The following NCOR1 variants were observed in gnomAD, a reference collection of about 807,000 sequenced individuals.
The protein encoded by NCOR1 is protein phosphatase 1, regulatory subunit 109.
Under a neutral mutation model 288.1 loss-of-function variants are expected in NCOR1, and 63 were observed. The observed-to-expected ratio is 0.22, with a 90% CI of 0.18 to 0.27. The LOEUF (loss-of-function observed/expected upper bound fraction) is 0.27, where lower values mean the gene tolerates loss of function less well. NCOR1 is among the 10% of genes least tolerant of loss of function. The pLI, the probability that NCOR1 is intolerant of heterozygous loss-of-function variation, is 1.00. For missense variants in NCOR1, 2,397 were observed against 3,019.2 expected, an observed-to-expected ratio of 0.79 and a Z score of 4.83; for synonymous variants, 1,007 against 1,065.9, an observed-to-expected ratio of 0.94 and a Z score of 1.08.
chr17:16,174,887 C>T (rs117506766), intron 3 of NCOR1, among the ~76,000 whole-genome samples: 1 of 152,178 alleles, frequency 6.6e-6, no homozygotes, highest in Non-Finnish European at 1.5e-5. Flanking sequence ...AATTCCACTC[C>T]TAGGTATCTA....
Position 16,075,580 on chromosome 17 carries a change from G to A in NCOR1, c.3624C>T (p.Gly1208=), listed in dbSNP as rs1195098629. Residue 1208 remains glycine, a synonymous_variant, in exon 27 of 46, where the codon GGC becomes GGT. Transcript: ENST00000268712. The stretch of plus-strand genomic sequence containing the variant: ...CACTTTTGCCTTCATAAATAACATG[G>A]CCTTTGGATGCAGCTTCCTCTCTGC... ...EKGREEAASK[G]HVIYEGKSGH... is the part of the protein sequence containing the mutation. The A allele has an allele frequency of 6.2e-7, 1 of 1,613,990 alleles. No homozygotes were observed. Among genetic ancestry groups the A allele is most frequent in the African/African-American group, 1.3e-5 (1 of 74,890 alleles).
rs762009001 is a variant in NCOR1 at position 16,070,348 on chromosome 17, C to T, written c.4330G>A (p.Val1444Met). 30 of 1,614,050 alleles carry T rather than the reference C, an allele frequency of 1.9e-5. No homozygotes were observed. The highest frequency in any genetic ancestry group is 2.7e-5 in the African/African-American group (2 of 74,912). ...KYEDVKAGET[V>M]RSRHTSVVSS... ...ACCACTGACGTGTGCCGGGAACGCACGGTCTCGCCTGCTTTCACATCCTCA... is the reference window on the plus strand; with the variant it reads ...ACCACTGACGTGTGCCGGGAACGCATGGTCTCGCCTGCTTTCACATCCTCA... The change falls in exon 31 of 46, where the codon GTG becomes ATG. Residue 1444 changes from valine (V) to methionine (M), a missense_variant. Physicochemically the swap from Val to Met is conservative, Grantham distance 21. Coordinates refer to ENST00000268712, the MANE Select transcript of NCOR1 (RefSeq NM_006311.4).
intron 22 of NCOR1, among the ~76,000 whole-genome samples, chr17:16,091,361 A>G (rs1258271017): frequency 6.6e-6 from 1 of 152,282 alleles, no homozygotes; most frequent in Non-Finnish European, 1.5e-5. Context: ...TACAGATGAG[A>G]AAACTAAAGC....
rs1491238663 is a variant in NCOR1, at chr17:16,127,399, GTA to G, written c.1510-1195_1510-1194del. Among the ~76,000 whole-genome samples, 242 of 100,532 alleles carry G rather than the reference GTA, an allele frequency of 2.4e-3. 108 individuals are homozygous for G. Among genetic ancestry groups the G allele is most frequent in the African/African-American group, 0.011 (215 of 19,642 alleles). 66.0% of individuals were successfully genotyped at this position (100,532 alleles called of 152,430 possible). A position where few individuals can be genotyped will look rare whatever the true frequency, so the allele number is the denominator to read the frequency against. On this transcript the variant is annotated intron_variant, in intron 14 of 45. Coordinates refer to ENST00000268712, the MANE Select transcript of NCOR1 (RefSeq NM_006311.4). ...TATATATGTATGTATATATACATGT[GTA>G]TATGTGTATGTATATATACATGTGT... is the stretch of plus-strand genomic sequence containing the variant.
chr17:16,038,057 G>A (rs1455818546), intron 44 of NCOR1, among the ~76,000 whole-genome samples: 2 of 152,030 alleles, frequency 1.3e-5, no homozygotes, highest in African/African-American at 4.8e-5. Context: ...AGGTCTTAAA[G>A]TTAACATGTA....
chr17:16,197,814 T>C (rs178805), intron 1 of NCOR1, among the ~76,000 whole-genome samples: 69,602 of 151,656 alleles, frequency 0.46, 16,906 homozygotes, highest in Middle Eastern at 0.59. Context: ...GTGAGGAGGG[T>C]TGATCTTTTT....
At chr17:16,092,693 ATATTTTTTT>A (rs1293888370) in intron 21 of NCOR1, among the ~76,000 whole-genome samples, 26 of 12,762 alleles carry the variant, frequency 2.0e-3, no homozygotes, top group East Asian at 0.011. Flanking sequence ...ATATATATAT[ATATTTTTTT>A]TTTTTTTTTT....
chr17:16,215,516 T>G lies in NCOR1; in HGVS notation c.-225A>C. 2.5e-6 allele frequency: 1 copy of G among 398,794 alleles called. No individual in the cohort carries two copies. The highest frequency in any genetic ancestry group is 4.4e-6 in the Non-Finnish European group (1 of 226,352). The allele number at this position is 398,794 out of a possible 1,614,324, so 24.7% of individuals were successfully genotyped here. A position where few individuals can be genotyped will look rare whatever the true frequency, so the allele number is the denominator to read the frequency against. On this transcript the variant is annotated 5_prime_UTR_variant, in exon 1 of 46. Transcript: ENST00000268712. ...CCGCCGCGGCTGCTGCTTCGCCACC[T>G]TGGCCGCCATCTTGACTCAACCCCT...
chr17:16,160,278 G>A (rs190802231), intron 5 of NCOR1, among the ~76,000 whole-genome samples: 213 of 152,092 alleles, frequency 1.4e-3, no homozygotes, highest in African/African-American at 4.8e-3. Flanking sequence ...AAATATTACC[G>A]AGTATTACTA....
chr17:16,125,915 G>A (rs2073961013), intron 15 of NCOR1, among the ~76,000 whole-genome samples, 167 bp downstream of exon 15: 1 of 151,702 alleles, frequency 6.6e-6, no homozygotes, highest in African/African-American at 2.4e-5. Flanking sequence ...GGGTGGGTGA[G>A]GTATAATGGG....
rs76080188 is a variant in NCOR1, at chr17:16,101,494, C to T, written c.2446G>A (p.Ala816Thr). The change falls in exon 20 of 46, where the codon GCT (alanine) becomes ACT (threonine). Residue 816 changes from alanine (A) to threonine (T), a missense_variant. Ala to Thr is a moderately conservative substitution (Grantham distance 58). Coordinates refer to ENST00000268712, the MANE Select transcript of NCOR1 (RefSeq NM_006311.4). ...ACGTCCACAGAGTCAGCTTTGGTAGCGGGTGGGGGATCACAAACAGAACCC... is the reference window on the plus strand; with the variant it reads ...ACGTCCACAGAGTCAGCTTTGGTAGTGGGTGGGGGATCACAAACAGAACCC... ...EEGSVCDPPP[A>T]TKADSVDVEV... 16 of 1,614,150 alleles carry T rather than the reference C, an allele frequency of 9.9e-6. No individual in the cohort carries two copies. The highest frequency in any genetic ancestry group is 2.2e-5 in the South Asian group (2 of 91,066).
intron 31 of NCOR1, chr17:16,068,487 TCA>T (rs1160206616): frequency 2.2e-5 from 5 of 226,288 alleles, no homozygotes; most frequent in Non-Finnish European, 4.4e-5. Flanking sequence ...GTAGTAAACT[TCA>T]GTTTTCTCTC....
rs1597842532 is a variant in NCOR1 at position 16,049,066 on chromosome 17, A to G, written c.6393-78T>C. 7 of 1,396,136 alleles carry G rather than the reference A, an allele frequency of 5.0e-6. No homozygotes were observed. The African/African-American group carries it at 5.8e-5, about 12-fold the overall frequency. The allele number at this position is 1,396,136 out of a possible 1,614,324, so 86.5% of individuals were successfully genotyped here. ...TACCTAAACAGAAACTTGTTAACTCATGACTTCATTCAGGAGAAGGAGCAA... is the reference window on the plus strand; with the variant it reads ...TACCTAAACAGAAACTTGTTAACTCGTGACTTCATTCAGGAGAAGGAGCAA... On this transcript the variant is annotated intron_variant, in intron 40 of 45. Transcript: ENST00000268712.
chr17:16,092,345 G>A (rs1391162804), intron 21 of NCOR1, among the ~76,000 whole-genome samples: 1 of 151,712 alleles, frequency 6.6e-6, no homozygotes, highest in Non-Finnish European at 1.5e-5. Flanking sequence ...AATTTAGCTG[G>A]GTGCAGTGAG....
At chr17:16,201,187 A>T (rs1054660644) in intron 1 of NCOR1, among the ~76,000 whole-genome samples, 1 of 152,258 alleles carries the variant, frequency 6.6e-6, no homozygotes, top group African/African-American at 2.4e-5. Context: ...AGAAACAAAT[A>T]GAAGCTAAAG....
rs1236938345 is a variant in NCOR1 at position 16,029,487 on chromosome 17, T to C, written c.*2809A>G. 7.4e-6 allele frequency: 2 copies of C among 271,942 alleles called. No homozygotes were observed. The highest frequency in any genetic ancestry group is 1.5e-5 in the Non-Finnish European group (2 of 137,618). The allele number at this position is 271,942 out of a possible 1,614,324, so 16.8% of individuals were successfully genotyped here. ...ACCAAAATTAAAAGCATTATGAAAT[T>C]TGCAGTCATAAACATGCAGTGGAAA... On this transcript the variant is annotated 3_prime_UTR_variant, in exon 46 of 46. Coordinates refer to ENST00000268712, the MANE Select transcript of NCOR1 (RefSeq NM_006311.4).
intron 1 of NCOR1, among the ~76,000 whole-genome samples, chr17:16,210,880 C>A (rs1329549742): frequency 6.6e-6 from 1 of 152,084 alleles, no homozygotes; most frequent in Non-Finnish European, 1.5e-5. Context: ...CAGGTGCGTG[C>A]CATCATGCCC....
chr17:16,130,602 G>C (rs1416063887), intron 14 of NCOR1, among the ~76,000 whole-genome samples: 1 of 152,154 alleles, frequency 6.6e-6, no homozygotes, highest in East Asian at 1.9e-4. Context: ...TATTCACTAT[G>C]AATGAATATT....
At chr17:16,158,705 G>C (rs2080223872) in intron 6 of NCOR1, 55 bp downstream of exon 6, 3 of 1,033,270 alleles carry the variant, frequency 2.9e-6, no homozygotes, top group African/African-American at 1.6e-5. Context: ...AAACTGAAAA[G>C]GGCATCGTCA....
Sources: allele counts gnomAD v4.1 joint callset (sites outside exome capture counted in the v4.1 genomes callset), GRCh38; gene constraint gnomAD v4.1.1; transcripts MANE v1.5; gene names NCBI Gene and HGNC (gene_info 2026-07-23, HGNC 2026-07-21).